NPSR1: variants seen among roughly 807,000 people sequenced by gnomAD.
NPSR1 encodes the protein neuropeptide S receptor 1, also known as neuropeptide S receptor.
In NPSR1, 48 loss-of-function variants were observed where a neutral mutation model predicts 46.9. The ratio of observed to expected loss-of-function variants is 1.02; its 90% confidence interval spans 0.81 to 1.30. The LOEUF is 1.30. Ranked by LOEUF, NPSR1 falls within the 50% of genes most tolerant of loss-of-function variation. NPSR1 has a pLI of 0.00. For synonymous variants in NPSR1, 176 were observed against 168.1 expected (o/e 1.05, Z -0.36); for missense variants, 450 against 449.5 (o/e 1.00, Z -0.01).
chr7:34,829,002 T>G (rs1789994241), intron 5 of NPSR1, among the ~76,000 whole-genome samples: 2 of 152,236 alleles, frequency 1.3e-5, no homozygotes, highest in South Asian at 4.1e-4. Context: ...TTTCATTGTT[T>G]TAATATGCAT....
In NPSR1 at chr7:34,849,619, T is replaced by G. The variant is rs1315994513; in HGVS notation, c.1080T>G (p.His360Gln). The G allele has an allele frequency of 1.9e-6, 3 of 1,614,130 alleles. No homozygotes were observed. The highest frequency in any genetic ancestry group is 2.7e-5 in the African/African-American group (2 of 75,030). The change falls in exon 9 of 9, where the codon CAT becomes CAG. Residue 360 changes from histidine (H) to glutamine (Q), a missense_variant. His to Gln is a conservative substitution (Grantham distance 24). Coordinates refer to ENST00000360581, the MANE Select transcript of NPSR1 (RefSeq NM_207172.2). ...CGTTCCGGGAGAGAACTGAGAGGCA[T>G]GAGATGCAGATTCTGTCCAAGCCAG... ...RMTFRERTER[H>Q]EMQILSKPEF...
At chr7:34,720,826 C>T (rs778417418) in intron 2 of NPSR1, among the ~76,000 whole-genome samples, 1 of 152,030 alleles carries the variant, frequency 6.6e-6, no homozygotes, top group African/African-American at 2.4e-5. Context: ...GTAATTTATT[C>T]ACATATCTGC....
chr7:34,858,865 G>A (rs148930766), intron 8 of NPSR1, among the ~76,000 whole-genome samples: 2 of 151,826 alleles, frequency 1.3e-5, no homozygotes, highest in Admixed American at 6.5e-5. Flanking sequence ...TGAGATCTGG[G>A]GGGGGGACAC....
intron 6 of NPSR1, among the ~76,000 whole-genome samples, chr7:34,837,995 T>C (rs1346675905): frequency 1.3e-5 from 2 of 152,158 alleles, no homozygotes; most frequent in Non-Finnish European, 2.9e-5. Context: ...TGTCTTGTGG[T>C]TTCTGCCAAT....
chr7:34,696,265 T>C (rs980758218), intron 2 of NPSR1, among the ~76,000 whole-genome samples: 1 of 151,828 alleles, frequency 6.6e-6, no homozygotes, highest in African/African-American at 2.4e-5. Context: ...TAAATATCCA[T>C]CCATAGATAA....
intron 3 of NPSR1, among the ~76,000 whole-genome samples, chr7:34,787,523 G>A (rs1350637017): frequency 6.6e-6 from 1 of 152,042 alleles, no homozygotes; most frequent in Non-Finnish European, 1.5e-5. Flanking sequence ...TTCACAACTT[G>A]GCTAACTGGC....
intron 2 of NPSR1, among the ~76,000 whole-genome samples, chr7:34,742,999 G>T (rs895990895): frequency 3.9e-5 from 6 of 152,134 alleles, no homozygotes; most frequent in African/African-American, 1.4e-4. Flanking sequence ...TTTTAATGGG[G>T]TTGTTTTTCT....
intron 4 of NPSR1, among the ~76,000 whole-genome samples, chr7:34,825,461 A>T (rs1159755587): frequency 6.6e-6 from 1 of 152,174 alleles, no homozygotes; most frequent in Non-Finnish European, 1.5e-5. Flanking sequence ...ACTACATCAC[A>T]CCTGAGAATG....
intron 6 of NPSR1, among the ~76,000 whole-genome samples, chr7:34,835,966 C>T (rs760904018): frequency 6.6e-6 from 1 of 152,140 alleles, no homozygotes; most frequent in Non-Finnish European, 1.5e-5. Flanking sequence ...TTTTAATGTT[C>T]AACCAGGTTT....
At chr7:34,723,011 G>A (rs1325820190) in intron 2 of NPSR1, among the ~76,000 whole-genome samples, 1 of 152,146 alleles carries the variant, frequency 6.6e-6, no homozygotes, top group Non-Finnish European at 1.5e-5. Context: ...TGCAAACAGA[G>A]TCACCAAATT....
intron 4 of NPSR1, among the ~76,000 whole-genome samples, chr7:34,814,076 C>A (rs936538080): frequency 6.6e-6 from 1 of 152,296 alleles, no homozygotes; most frequent in South Asian, 2.1e-4. Context: ...GGGTGCAGCC[C>A]ATGGAGGGTG....
intron 2 of NPSR1, among the ~76,000 whole-genome samples, chr7:34,699,694 C>T (rs1013324783): frequency 1.3e-5 from 2 of 152,126 alleles, no homozygotes; most frequent in African/African-American, 2.4e-5. Context: ...TGTAGGCTCA[C>T]TAATCCTATG....
At chr7:34,787,665 C>G (rs1275537004) in intron 3 of NPSR1, among the ~76,000 whole-genome samples, 1 of 152,062 alleles carries the variant, frequency 6.6e-6, no homozygotes, top group East Asian at 1.9e-4. Context: ...AAGACAATTT[C>G]AGGGCTATTT....
chr7:34,661,815 G>A (rs555728269), intron 1 of NPSR1, among the ~76,000 whole-genome samples: 2 of 152,146 alleles, frequency 1.3e-5, no homozygotes, highest in Non-Finnish European at 2.9e-5. Flanking sequence ...ATCACATCCA[G>A]CTCACCTCTT....
Position 34,752,068 on chromosome 7 carries a change from A to C in NPSR1, c.281-26394A>C, listed in dbSNP as rs1785567451. ...TTCGGAAGAGAGTTTTATTTTCTGCAACCGGTGACGGGGAGAAGGCCTGGA... is the reference window on the plus strand; with the variant it reads ...TTCGGAAGAGAGTTTTATTTTCTGCCACCGGTGACGGGGAGAAGGCCTGGA... On this transcript the variant is annotated intron_variant, in intron 2 of 8. Transcript: ENST00000360581. The C allele has an allele frequency of 6.4e-6, 4 of 623,442 alleles. No individual in the cohort carries two copies. The South Asian group carries it at 7.1e-5, about 11-fold the overall frequency. The allele number at this position is 623,442 out of a possible 1,614,324, so 38.6% of individuals were successfully genotyped here.
chr7:34,793,134 CT>C (rs1788015862), intron 3 of NPSR1, among the ~76,000 whole-genome samples: 2 of 152,116 alleles, frequency 1.3e-5, no homozygotes, highest in African/African-American at 4.8e-5. Context: ...CAAGACCAGC[CT>C]GGGCAACATA....
intron 2 of NPSR1, among the ~76,000 whole-genome samples, chr7:34,752,570 C>T (rs1190110115): frequency 6.6e-6 from 1 of 152,124 alleles, no homozygotes; most frequent in Non-Finnish European, 1.5e-5. Flanking sequence ...ACCACTCAGT[C>T]AGTACTGAAA....
At position 34,710,689 on chromosome 7, in the gene NPSR1, G is replaced by T. The variant is rs1783235820; in HGVS notation, c.280+26005G>T. On this transcript the variant is annotated intron_variant, in intron 2 of 8. Transcript: ENST00000360581. ...TAGGTTCATAAATACAAGCACAAGAGACCTTTATAGCATTGGGGTCTAGTG... is the reference window on the plus strand; with the variant it reads ...TAGGTTCATAAATACAAGCACAAGATACCTTTATAGCATTGGGGTCTAGTG... 1.2e-5 allele frequency: 3 copies of T among 247,134 alleles called. No homozygotes were observed. The South Asian group carries it at 1.4e-4, about 11-fold the overall frequency. The allele number at this position is 247,134 out of a possible 1,614,324, so 15.3% of individuals were successfully genotyped here. A position where few individuals can be genotyped will look rare whatever the true frequency, so the allele number is the denominator to read the frequency against.
chr7:34,755,969 T>A (rs1355979164), intron 2 of NPSR1, among the ~76,000 whole-genome samples: 1 of 152,196 alleles, frequency 6.6e-6, no homozygotes, highest in Non-Finnish European at 1.5e-5. Context: ...AAATAACTTG[T>A]GCAAAACCAT....
Sources: gnomAD v4.1 joint callset for allele counts (sites outside exome capture counted in the v4.1 genomes callset) on GRCh38, gnomAD v4.1.1 for gene constraint, MANE v1.5 for transcripts, NCBI Gene and HGNC (gene_info 2026-07-23, HGNC 2026-07-21) for gene names.